DPP6: variants seen among roughly 807,000 people sequenced by gnomAD.
DPP6 encodes dipeptidyl peptidase like 6.
DPP6 carries 69 observed loss-of-function variants against 122.6 expected under a neutral mutation model. The observed-to-expected ratio is 0.56, with a 90% CI of 0.46 to 0.69. The LOEUF is 0.69. Ranked by LOEUF, DPP6 falls within the 30% of genes least tolerant of loss-of-function variation. The pLI, the probability that DPP6 is intolerant of heterozygous loss-of-function variation, is 0.00. For missense variants in DPP6, 928 were observed against 1,116.9 expected, an observed-to-expected ratio of 0.83 and a Z score of 2.41; for synonymous variants, 418 against 433.1, an observed-to-expected ratio of 0.97 and a Z score of 0.43.
At chr7:154,005,041 T>A in intron 1 of DPP6, among the ~76,000 whole-genome samples, 1 of 151,240 alleles carries the variant, frequency 6.6e-6, no homozygotes, top group Non-Finnish European at 1.5e-5. Context: ...CAATCAGACC[T>A]GAAAAAAAAA....
At chr7:153,918,978 C>CAAAAAAAAAA (rs386411718) in intron 1 of DPP6, among the ~76,000 whole-genome samples, 1 of 89,344 alleles carries the variant, frequency 1.1e-5, no homozygotes, top group Non-Finnish European at 2.1e-5. Context: ...GACTCTGTCT[C>CAAAAAAAAAA]AAAAAAAAAA....
At chr7:154,738,339 C>T (rs1842662974) in intron 8 of DPP6, among the ~76,000 whole-genome samples, 1 of 152,236 alleles carries the variant, frequency 6.6e-6, no homozygotes, top group Non-Finnish European at 1.5e-5. Flanking sequence ...CCAAATCTTC[C>T]TCTTCGTGGC....
At chr7:153,850,338 G>A in the DPP6 span, among the ~76,000 whole-genome samples, 5 of 152,070 alleles carry the variant, frequency 3.3e-5, no homozygotes, top group Admixed American at 2.0e-4. Context: ...TTATTGGCTG[G>A]GGGGTCACCT....
At chr7:154,015,992 T>C (rs1798388761) in intron 1 of DPP6, among the ~76,000 whole-genome samples, 2 of 152,184 alleles carry the variant, frequency 1.3e-5, no homozygotes, top group Admixed American at 1.3e-4. Flanking sequence ...CCCTTTTCCC[T>C]GCACACTCCA....
chr7:154,002,426 A>G (rs1458937955), intron 1 of DPP6, among the ~76,000 whole-genome samples: 1 of 152,240 alleles, frequency 6.6e-6, no homozygotes, highest in African/African-American at 2.4e-5. Flanking sequence ...CCCCTCAAGG[A>G]TAAAAGCTTT....
chr7:154,784,461 T>C lies in DPP6; in HGVS notation c.1137-9618T>C, dbSNP rs184287538. Reference sequence around the variant, plus strand: ...CACAGTTTTCTGAGAAAGAAACACTTCACTGTTAAATCACAGCAACGTACT... The same window carrying C: ...CACAGTTTTCTGAGAAAGAAACACTCCACTGTTAAATCACAGCAACGTACT... On this transcript the variant is annotated intron_variant, in intron 10 of 25. Coordinates refer to ENST00000377770, the MANE Select transcript of DPP6 (RefSeq NM_130797.4). Among the ~76,000 whole-genome samples, 145 of 152,314 alleles carry C rather than the reference T, an allele frequency of 9.5e-4. 1 individual carries two copies. Among genetic ancestry groups the C allele is most frequent in the African/African-American group, 3.3e-3 (136 of 41,562 alleles).
intron 7 of DPP6, among the ~76,000 whole-genome samples, chr7:154,692,734 C>T (rs1840000176): frequency 6.6e-6 from 1 of 151,762 alleles, no homozygotes; most frequent in Admixed American, 6.6e-5. Context: ...ACCCATCATC[C>T]TTTTCTCTTT....
rs555072327 is a variant in DPP6 at position 154,820,221 on chromosome 7, G to A, written c.1666+13109G>A. ...CAGCACACGGGACACGCGAAAGGGAGGCCTCAGACCGAGCGCCTGGGAAGG... is the reference window on the plus strand; with the variant it reads ...CAGCACACGGGACACGCGAAAGGGAAGCCTCAGACCGAGCGCCTGGGAAGG... On this transcript the variant is annotated intron_variant, in intron 16 of 25. Coordinates refer to ENST00000377770, the MANE Select transcript of DPP6 (RefSeq NM_130797.4). Among the ~76,000 whole-genome samples, 118 of 152,332 alleles carry A rather than the reference G, an allele frequency of 7.7e-4. 3 individuals are homozygous for A. Among genetic ancestry groups the A allele is most frequent in the Admixed American group, 2.8e-3 (43 of 15,306 alleles).
At chr7:153,988,984 G>T (rs574120037) in intron 1 of DPP6, among the ~76,000 whole-genome samples, 271 of 150,700 alleles carry the variant, frequency 1.8e-3, no homozygotes, top group African/African-American at 5.6e-3. Context: ...GCAGAAAAAG[G>T]GATTAGCGTT....
At chr7:154,719,634 C>A (rs983069725) in intron 7 of DPP6, among the ~76,000 whole-genome samples, 2 of 152,146 alleles carry the variant, frequency 1.3e-5, no homozygotes, top group Admixed American at 6.5e-5. Flanking sequence ...TGTAAAGAGT[C>A]GAGTCTGCAC....
intron 5 of DPP6, among the ~76,000 whole-genome samples, chr7:154,630,232 G>A (rs1835324043): frequency 6.6e-6 from 1 of 152,186 alleles, no homozygotes; most frequent in Non-Finnish European, 1.5e-5. Flanking sequence ...TCAGCCTGGT[G>A]CATTGTTAGG....
chr7:154,374,769 G>A (rs940007889), intron 1 of DPP6, among the ~76,000 whole-genome samples: 8 of 151,830 alleles, frequency 5.3e-5, no homozygotes, highest in African/African-American at 1.5e-4. Flanking sequence ...CTGCCACCAG[G>A]CCCAGCTAAT....
intron 5 of DPP6, among the ~76,000 whole-genome samples, chr7:154,636,735 G>C (rs1036888093): frequency 1.2e-4 from 18 of 152,210 alleles, no homozygotes; most frequent in Admixed American, 1.0e-3. Flanking sequence ...GTGCAGGCTA[G>C]GTAGGGAATG....
In DPP6 at chr7:154,082,851, T is replaced by TTC. The variant is rs1379272179; in HGVS notation, c.243+29789_243+29790insCT. Among the ~76,000 whole-genome samples the TTC allele has an allele frequency of 9.1e-3, 1,297 of 141,818 alleles. 38 individuals are homozygous for TTC. The highest frequency in any genetic ancestry group is 0.031 in the African/African-American group (1,189 of 38,050). The allele number at this position is 141,818 out of a possible 152,430, so 93.0% of individuals were successfully genotyped here. On this transcript the variant is annotated intron_variant, in intron 1 of 25. Coordinates refer to ENST00000377770, the MANE Select transcript of DPP6 (RefSeq NM_130797.4). ...TGTGCCTATCTTTTCTTTTTCTTTT[T>TTC]TTTTTTTTTTTTTTTGAGATGGAGT...
the DPP6 span, among the ~76,000 whole-genome samples, chr7:153,804,863 A>G: frequency 2.6e-5 from 4 of 151,956 alleles, no homozygotes; most frequent in East Asian, 3.9e-4. Context: ...CAGCCTGGGC[A>G]ACAGAGAGAG....
At chr7:153,899,190 C>T (rs1217684155) in intron 1 of DPP6, among the ~76,000 whole-genome samples, 5 of 151,284 alleles carry the variant, frequency 3.3e-5, no homozygotes, top group African/African-American at 1.2e-4. Context: ...TCTTCCTCTT[C>T]CTTCTCCTCC....
At chr7:154,265,794 G>A (rs1803382960) in intron 1 of DPP6, among the ~76,000 whole-genome samples, 1 of 152,168 alleles carries the variant, frequency 6.6e-6, no homozygotes, top group Admixed American at 6.5e-5. Context: ...ATATACAAGT[G>A]AGTATTCTCT....
At chr7:153,838,758 C>G in the DPP6 span, among the ~76,000 whole-genome samples, 2 of 152,196 alleles carry the variant, frequency 1.3e-5, no homozygotes, top group South Asian at 2.1e-4. Flanking sequence ...GGTCAAAGTA[C>G]TGGAAATCAC....
chr7:154,861,698 G>GTT (rs1368194152), intron 17 of DPP6, among the ~76,000 whole-genome samples: 4 of 152,174 alleles, frequency 2.6e-5, no homozygotes, highest in South Asian at 2.1e-4. Context: ...GACATAAAAA[G>GTT]TTATGATTGC....
Sources: gnomAD v4.1 joint callset for allele counts (sites outside exome capture counted in the v4.1 genomes callset) on GRCh38, gnomAD v4.1.1 for gene constraint, MANE v1.5 for transcripts, NCBI Gene and HGNC (gene_info 2026-07-23, HGNC 2026-07-21) for gene names.